TTC21B: variants seen among roughly 807,000 people sequenced by gnomAD.
TTC21B encodes tetratricopeptide repeat domain 21B.
TTC21B carries 127 observed loss-of-function variants against 175.1 expected under a neutral mutation model. That is an observed-to-expected ratio of 0.73 (90% confidence interval 0.63 to 0.84). The LOEUF is 0.84. Ranked by LOEUF, TTC21B falls within the 40% of genes least tolerant of loss-of-function variation. The pLI, the probability that TTC21B is intolerant of heterozygous loss-of-function variation, is 0.00. For synonymous variants in TTC21B, 524 were observed against 524.5 expected, an observed-to-expected ratio of 1.00 and a Z score of 0.01; for missense variants, 1,561 against 1,558.3, an observed-to-expected ratio of 1.00 and a Z score of -0.03.
At position 165,912,470 on chromosome 2, in the gene TTC21B, T is replaced by C. The variant is rs117845757; in HGVS notation, c.2322+44A>G. On this transcript the variant is annotated intron_variant, in intron 17 of 28. Transcript: ENST00000243344. ...GAAGCTTCTCGAGGACAGGGTATGA[T>C]AAATTTGATGCAACAGACATATTTC... 1.6e-5 allele frequency: 23 copies of C among 1,477,330 alleles called. No homozygotes were observed. In the East Asian group the frequency reaches 3.8e-4, roughly 25 times the overall value. The allele number at this position is 1,477,330 out of a possible 1,614,324, so 91.5% of individuals were successfully genotyped here.
chr2:165,951,630 G>A (rs1231490280), intron 1 of TTC21B, among the ~76,000 whole-genome samples: 1 of 152,032 alleles, frequency 6.6e-6, no homozygotes, highest in African/African-American at 2.4e-5. Context: ...CATACCTAAT[G>A]CTACTGCCTT....
intron 4 of TTC21B, among the ~76,000 whole-genome samples, chr2:165,944,459 T>C (rs1000097545): frequency 1.3e-5 from 2 of 152,184 alleles, no homozygotes; most frequent in Non-Finnish European, 2.9e-5. Flanking sequence ...ATTTTGAACT[T>C]TGTACTCACT....
At chr2:165,887,423 T>A (rs994218483) in intron 25 of TTC21B, among the ~76,000 whole-genome samples, 1 of 151,624 alleles carries the variant, frequency 6.6e-6, no homozygotes, top group Non-Finnish European at 1.5e-5. Flanking sequence ...GAAAACAGTA[T>A]CTAGAGAGTA....
intron 22 of TTC21B, 25 bp downstream of exon 22, chr2:165,898,661 A>G: frequency 1.3e-6 from 2 of 1,538,180 alleles, no homozygotes; most frequent in Non-Finnish European, 1.8e-6. Context: ...ACTGCACTCA[A>G]AAAATACAAT....
At chr2:165,918,450 A>G (rs1686262553) in intron 13 of TTC21B, among the ~76,000 whole-genome samples, 1 of 151,966 alleles carries the variant, frequency 6.6e-6, no homozygotes, top group Admixed American at 6.6e-5. Context: ...ACCCGCCACC[A>G]CGCCTGGCTA....
intron 1 of TTC21B, among the ~76,000 whole-genome samples, chr2:165,953,077 A>G (rs1687808547): frequency 1.3e-5 from 2 of 152,356 alleles, no homozygotes; most frequent in South Asian, 4.1e-4. Flanking sequence ...TGAACGAGTG[A>G]TTCAGTGAAC....
rs1489728717 is a variant in TTC21B, at chr2:165,899,820, G to A, written c.2818C>T (p.Gln940Ter). The A allele has an allele frequency of 3.7e-6, 6 of 1,613,914 alleles. No homozygotes were observed. The highest frequency in any genetic ancestry group is 5.1e-6 in the Non-Finnish European group (6 of 1,179,954). Residue 940 changes from glutamine to a stop codon, truncating the protein, a stop_gained, in exon 21 of 29, where the codon CAG becomes TAG. Coordinates refer to ENST00000243344, the MANE Select transcript of TTC21B (RefSeq NM_024753.5). LOFTEE classifies it high-confidence loss of function. The part of the protein sequence containing the change: ...AQDDPDSCLR[Q>*]CALLLQSDQD... ...TCACTCTGAAGCAGTAGAGCACACT[G>A]CCGCAGGCAGGAATCAGGGTCATCT...
chr2:165,884,063 A>G (rs373907505), intron 25 of TTC21B, 45 bp from the exon 26 acceptor site: 25 of 1,494,676 alleles, frequency 1.7e-5, no homozygotes, highest in Middle Eastern at 1.7e-4. Flanking sequence ...ATAAACATAA[A>G]TGCCCCAAAA....
intron 6 of TTC21B, among the ~76,000 whole-genome samples, chr2:165,938,787 A>G (rs758523458): frequency 6.6e-6 from 1 of 152,040 alleles, no homozygotes; most frequent in Non-Finnish European, 1.5e-5. Context: ...AGAGTGAGAA[A>G]GAACTCACAG....
chr2:165,905,559 A>G (rs1481586363), intron 19 of TTC21B, among the ~76,000 whole-genome samples: 2 of 152,192 alleles, frequency 1.3e-5, no homozygotes, highest in Non-Finnish European at 2.9e-5. Context: ...GAAGAAGGCC[A>G]TTTTATTATT....
chr2:165,929,432 C>T (rs1686801804), intron 10 of TTC21B, 97 bp from the exon 11 acceptor site: 7 of 1,063,812 alleles, frequency 6.6e-6, no homozygotes, highest in Non-Finnish European at 9.8e-6. Flanking sequence ...TACTGATATG[C>T]AATTATTTGT....
intron 21 of TTC21B, 110 bp from the exon 22 acceptor site, chr2:165,898,877 G>A: frequency 1.4e-6 from 1 of 728,022 alleles, no homozygotes; most frequent in Non-Finnish European, 2.4e-6. Context: ...ATGAGGAGGG[G>A]GCAGCATTTT....
intron 12 of TTC21B, among the ~76,000 whole-genome samples, chr2:165,920,045 A>G (rs935156553): frequency 2.6e-5 from 4 of 152,228 alleles, no homozygotes; most frequent in African/African-American, 7.2e-5. Flanking sequence ...AGTGACAGGA[A>G]TTGAGGAATT....
intron 25 of TTC21B, among the ~76,000 whole-genome samples, chr2:165,884,358 T>C (rs1684938588): frequency 6.6e-6 from 1 of 152,222 alleles, no homozygotes; most frequent in Non-Finnish European, 1.5e-5. Flanking sequence ...AATAAAACTC[T>C]ATTTCAGTAA....
At position 165,907,545 on chromosome 2, in the gene TTC21B, A is replaced by G. The variant is rs919578545; in HGVS notation, c.2568+133T>C. 13 of 681,422 alleles carry G rather than the reference A, an allele frequency of 1.9e-5. 1 individual carries two copies. Among genetic ancestry groups the G allele is most frequent in the Admixed American group, 1.3e-4 (6 of 47,704 alleles). The allele number at this position is 681,422 out of a possible 1,614,324, so 42.2% of individuals were successfully genotyped here. On this transcript the variant is annotated intron_variant, in intron 19 of 28. Transcript: ENST00000243344. ...AAAATGTATAATTCATAAGCATTCA[A>G]TAAGTATTTTGATTTTGACATATTT...
Position 165,953,738 on chromosome 2 carries a change from G to A in TTC21B, c.-33C>T, listed in dbSNP as rs1195782132. 2 of 1,548,794 alleles carry A rather than the reference G, an allele frequency of 1.3e-6. No individual in the cohort carries two copies. Among genetic ancestry groups the A allele is most frequent in the Admixed American group, 3.9e-5 (2 of 50,962 alleles). ...CCGAGGCCGGGCCGCGGGGCTCTGG[G>A]GATTGTCTCGCCGCAGCCTAAAGGA... On this transcript the variant is annotated 5_prime_UTR_variant, in exon 1 of 29. Transcript: ENST00000243344.
intron 11 of TTC21B, among the ~76,000 whole-genome samples, chr2:165,926,658 A>G (rs1686640427): frequency 6.6e-6 from 1 of 152,070 alleles, no homozygotes. Flanking sequence ...TTGCCAAAGG[A>G]GATTAACGTT....
intron 12 of TTC21B, among the ~76,000 whole-genome samples, chr2:165,923,252 A>T (rs1234850627): frequency 6.6e-6 from 1 of 152,134 alleles, no homozygotes; most frequent in African/African-American, 2.4e-5. Context: ...AATAAAAAAT[A>T]AAAAAATAAA....
intron 25 of TTC21B, 43 bp from the exon 26 acceptor site, chr2:165,884,061 A>T (rs1479700383): frequency 6.7e-7 from 1 of 1,494,176 alleles, no homozygotes; most frequent in Non-Finnish European, 9.3e-7. Context: ...GCATAAACAT[A>T]AATGCCCCAA....
Sources: gnomAD v4.1 joint callset for allele counts (sites outside exome capture counted in the v4.1 genomes callset) on GRCh38, gnomAD v4.1.1 for gene constraint, MANE v1.5 for transcripts, NCBI Gene and HGNC (gene_info 2026-07-23, HGNC 2026-07-21) for gene names.